Variants in CDH13 observed in about 807,000 individuals in gnomAD.
CDH13 encodes cadherin 13.
A neutral mutation model predicts 63.8 loss-of-function variants in CDH13; 24 were observed. That is an observed-to-expected ratio of 0.38 (90% CI 0.27 to 0.53). CDH13 has a LOEUF of 0.53. Among genes scored for constraint, CDH13 ranks in the 20% least tolerant of loss-of-function variants. The probability of loss-of-function intolerance (pLI) is 0.85; values close to 1 mark genes in which losing one functional copy is unlikely to be tolerated. For synonymous variants in CDH13, 503 were observed against 355.3 expected (o/e 1.42, Z -4.67); for missense variants, 1,049 against 903.1 (o/e 1.16, Z -2.07).
rs187190916 is a variant in CDH13 at position 83,741,452 on chromosome 16, A to G, written c.1539-6656A>G. ...GTAGTTTTTATTTTCTACGTTTCTCATAGTCTTTCCTATCCTACTATATAT... is the reference window on the plus strand; with the variant it reads ...GTAGTTTTTATTTTCTACGTTTCTCGTAGTCTTTCCTATCCTACTATATAT... On this transcript the variant is annotated intron_variant, in intron 10 of 13. Transcript: ENST00000567109. Among the ~76,000 whole-genome samples the G allele has an allele frequency of 2.8e-4, 43 of 151,236 alleles. No individual in the cohort carries two copies. The South Asian group carries it at 7.3e-3, about 26-fold the overall frequency.
In CDH13 at chr16:82,991,259, T is replaced by C. The variant is rs556208177; in HGVS notation, c.158-40751T>C. Reference sequence around the variant, plus strand: ...AAATTGATCACACGCTCTTAGGTATTACATGGGTCACATTTGCAATAATTT... The same window carrying C: ...AAATTGATCACACGCTCTTAGGTATCACATGGGTCACATTTGCAATAATTT... On this transcript the variant is annotated intron_variant, in intron 2 of 13. Coordinates refer to ENST00000567109, the MANE Select transcript of CDH13 (RefSeq NM_001257.5). 1.9e-3 allele frequency among the ~76,000 whole-genome samples: 293 copies of C among 152,358 alleles called. 1 individual carries two copies. The highest frequency in any genetic ancestry group is 0.017 in the Middle Eastern group (5 of 294).
chr16:83,445,967 C>G (rs2072675303), intron 6 of CDH13, among the ~76,000 whole-genome samples: 1 of 152,114 alleles, frequency 6.6e-6, no homozygotes, highest in Admixed American at 6.5e-5. Context: ...GCATTATCCC[C>G]ATCCCTCCCC....
intron 1 of CDH13, among the ~76,000 whole-genome samples, chr16:82,777,662 G>A (rs1310982826): frequency 6.6e-6 from 1 of 152,238 alleles, no homozygotes; most frequent in African/African-American, 2.4e-5. Flanking sequence ...GAATATGGGT[G>A]CAGCTTAGCT....
chr16:83,555,984 C>T (rs2075593344), intron 7 of CDH13, among the ~76,000 whole-genome samples: 1 of 152,198 alleles, frequency 6.6e-6, no homozygotes. Context: ...GGGGAAGTAA[C>T]ACTGGTACCC....
At chr16:83,131,077 T>C (rs990576670) in intron 4 of CDH13, among the ~76,000 whole-genome samples, 10 of 152,094 alleles carry the variant, frequency 6.6e-5, no homozygotes, top group Admixed American at 6.5e-4. Flanking sequence ...TACTAGAATT[T>C]GGGATCTGCT....
chr16:83,101,378 CTCTATG>C lies in CDH13; in HGVS notation c.367-24001_367-23996del, dbSNP rs1198780958. ...AGAACACCATATATATGCTTATATA[CTCTATG>C]TCTATTATATATAGTAATGTATATA... is the stretch of plus-strand genomic sequence containing the variant. On this transcript the variant is annotated intron_variant, in intron 3 of 13. Coordinates refer to ENST00000567109, the MANE Select transcript of CDH13 (RefSeq NM_001257.5). 4.0e-5 allele frequency among the ~76,000 whole-genome samples: 6 copies of C among 149,228 alleles called. No individual in the cohort carries two copies. In the South Asian group the frequency reaches 6.3e-4, roughly 16 times the overall value.
intron 1 of CDH13, among the ~76,000 whole-genome samples, chr16:82,699,598 G>T (rs778982911): frequency 3.9e-5 from 6 of 152,158 alleles, no homozygotes; most frequent in Non-Finnish European, 7.3e-5. Flanking sequence ...GTATTTAAGA[G>T]AATGTGCATA....
rs367690515 is a variant in CDH13, at chr16:83,444,891, T to A, written c.782-41586T>A. 1.4e-4 allele frequency among the ~76,000 whole-genome samples: 21 copies of A among 152,306 alleles called. No homozygotes were observed. The East Asian group carries it at 2.1e-3, about 15-fold the overall frequency. On this transcript the variant is annotated intron_variant, in intron 6 of 13. Coordinates refer to ENST00000567109, the MANE Select transcript of CDH13 (RefSeq NM_001257.5). Reference sequence around the variant, plus strand: ...GCGCTTTCCTCTGATGAAGGGGGAGTTCACGGAAGACTCCAAAAATGGACC... The same window carrying A: ...GCGCTTTCCTCTGATGAAGGGGGAGATCACGGAAGACTCCAAAAATGGACC...
intron 7 of CDH13, among the ~76,000 whole-genome samples, chr16:83,560,422 C>G (rs1467481894): frequency 6.6e-6 from 1 of 152,100 alleles, no homozygotes. Flanking sequence ...AAGGCAGACT[C>G]AAAAGGACAA....
chr16:82,850,786 A>G (rs189004779), intron 1 of CDH13, among the ~76,000 whole-genome samples: 1 of 152,144 alleles, frequency 6.6e-6, no homozygotes, highest in Non-Finnish European at 1.5e-5. Context: ...TGGAGGCAAG[A>G]CCCTCACCAG....
At chr16:82,803,239 A>C (rs2036960882) in intron 1 of CDH13, among the ~76,000 whole-genome samples, 1 of 152,222 alleles carries the variant, frequency 6.6e-6, no homozygotes, top group Non-Finnish European at 1.5e-5. Context: ...TAGCACCACA[A>C]AGACGTGGAG....
intron 10 of CDH13, among the ~76,000 whole-genome samples, chr16:83,738,887 C>G (rs1043443119): frequency 6.6e-6 from 1 of 152,108 alleles, no homozygotes; most frequent in Non-Finnish European, 1.5e-5. Flanking sequence ...GCCTTGGCAA[C>G]AAAGGGAGAC....
chr16:82,961,282 C>T (rs996204233), intron 2 of CDH13, among the ~76,000 whole-genome samples: 11 of 152,146 alleles, frequency 7.2e-5, no homozygotes, highest in African/African-American at 2.7e-4. Context: ...CTTACAGCCG[C>T]CCGTCATTTT....
chr16:82,865,973 A>T (rs2151180005), intron 2 of CDH13, among the ~76,000 whole-genome samples: 1 of 152,248 alleles, frequency 6.6e-6, no homozygotes, highest in East Asian at 1.9e-4. Flanking sequence ...CTGCTTAGAA[A>T]TTTCTTCTGC....
intron 2 of CDH13, among the ~76,000 whole-genome samples, chr16:83,018,307 A>G (rs767410211): frequency 3.3e-5 from 5 of 152,204 alleles, no homozygotes; most frequent in Non-Finnish European, 7.3e-5. Context: ...AAGTATCATG[A>G]AAATAGATGC....
chr16:82,902,086 T>C (rs912567155), intron 2 of CDH13, among the ~76,000 whole-genome samples: 1 of 152,206 alleles, frequency 6.6e-6, no homozygotes, highest in Non-Finnish European at 1.5e-5. Flanking sequence ...TGTTTGCCTA[T>C]ATCAAACTGC....
At position 83,732,294 on chromosome 16, in the gene CDH13, T is replaced by A. The variant is rs557390175; in HGVS notation, c.1539-15814T>A. 2.0e-5 allele frequency among the ~76,000 whole-genome samples: 3 copies of A among 152,116 alleles called. No individual in the cohort carries two copies. In the East Asian group the frequency reaches 5.8e-4, roughly 29 times the overall value. ...TGGGCTGGTTAGGAGGGAGATGATGTGTGATCTGAAGAGTGATAATGAACC... is the reference window on the plus strand; with the variant it reads ...TGGGCTGGTTAGGAGGGAGATGATGAGTGATCTGAAGAGTGATAATGAACC... On this transcript the variant is annotated intron_variant, in intron 10 of 13. Coordinates refer to ENST00000567109, the MANE Select transcript of CDH13 (RefSeq NM_001257.5).
intron 1 of CDH13, among the ~76,000 whole-genome samples, chr16:82,793,938 A>C (rs2036447569): frequency 6.6e-6 from 1 of 152,102 alleles, no homozygotes; most frequent in Non-Finnish European, 1.5e-5. Flanking sequence ...GTGGATCAGG[A>C]AAGGCCAGGC....
At chr16:83,251,742 T>C (rs1472300092) in intron 5 of CDH13, among the ~76,000 whole-genome samples, 1 of 152,184 alleles carries the variant, frequency 6.6e-6, no homozygotes, top group Non-Finnish European at 1.5e-5. Flanking sequence ...TCTTTCCACC[T>C]TGGGAATCAC....
Sources: allele counts gnomAD v4.1 joint callset (sites outside exome capture counted in the v4.1 genomes callset), GRCh38; gene constraint gnomAD v4.1.1; transcripts MANE v1.5; gene names NCBI Gene and HGNC (gene_info 2026-07-23, HGNC 2026-07-21).